Variants in DCUN1D2 observed in about 807,000 individuals in gnomAD.
DCUN1D2 encodes DCN1-like protein 2.
Under a neutral mutation model 30.9 loss-of-function variants are expected in DCUN1D2, and 29 were observed. The observed-to-expected ratio is 0.94, with a 90% confidence interval of 0.70 to 1.28. DCUN1D2 has a LOEUF of 1.28. DCUN1D2 is among the 50% of genes most tolerant of loss of function. DCUN1D2 has a pLI of 0.00. For missense variants in DCUN1D2, 325 were observed against 316.9 expected (o/e 1.03, Z -0.19); for synonymous variants, 121 against 115.3 (o/e 1.05, Z -0.32).
At chr13:113,466,826 T>TGA (rs1246633861) in intron 4 of DCUN1D2, among the ~76,000 whole-genome samples, 1 of 138,106 alleles carries the variant, frequency 7.2e-6, no homozygotes, top group African/African-American at 3.1e-5. Context: ...TTTTTTTTTT[T>TGA]GAGAGAGTCC....
At chr13:113,461,220 ATATT>A (rs2139676339) in intron 4 of DCUN1D2, 84 bp from the exon 5 acceptor site, 2 of 813,770 alleles carry the variant, frequency 2.5e-6, no homozygotes, top group Admixed American at 2.4e-5. Context: ...TAGCATGTCA[ATATT>A]TACTTAATAA....
intron 4 of DCUN1D2, among the ~76,000 whole-genome samples, chr13:113,463,743 C>G (rs1365181561): frequency 2.6e-5 from 4 of 151,930 alleles, no homozygotes; most frequent in East Asian, 1.9e-4. Flanking sequence ...CATAGACACA[C>G]ACAGATACCC....
chr13:113,490,796 C>T, upstream of DCUN1D2: 1 of 890,058 alleles, frequency 1.1e-6, no homozygotes, highest in African/African-American at 1.8e-5. This position sits in a 1 kb window ranked among gnomAD's most constrained non-coding sequence, Gnocchi z 5.2. Flanking sequence ...GCCGCGGGGA[C>T]TCCCACTCCC....
chr13:113,488,149 A>C lies in DCUN1D2; in HGVS notation c.3+2518T>G, dbSNP rs1343188556. ...ATCCAGGCCACTCAAAATGGCTTTG[A>C]ATCACTACTGTTAGCTAGAGTGGAC... On this transcript the variant is annotated intron_variant, in intron 1 of 6. Coordinates refer to ENST00000478244, the MANE Select transcript of DCUN1D2 (RefSeq NM_001014283.2). The surrounding 1 kb of genome is among the most constrained non-coding windows in gnomAD (Gnocchi z 4.3). 6.6e-6 allele frequency among the ~76,000 whole-genome samples: 1 copy of C among 152,222 alleles called. No homozygotes were observed. The highest frequency in any genetic ancestry group is 1.5e-5 in the Non-Finnish European group (1 of 68,030).
chr13:113,489,141 G>A, intron 1 of DCUN1D2: 1 of 985,376 alleles, frequency 1.0e-6, no homozygotes, highest in Non-Finnish European at 1.2e-6. Flanking sequence ...TAAGTTTATG[G>A]ATCACTTTCA....
intron 4 of DCUN1D2, among the ~76,000 whole-genome samples, chr13:113,471,610 T>C (rs1198606376): frequency 2.0e-5 from 3 of 152,208 alleles, no homozygotes; most frequent in Non-Finnish European, 4.4e-5. Context: ...GTAAAATTAC[T>C]GGGCTTCAAA....
At chr13:113,477,695 T>C (rs2139723483) in intron 3 of DCUN1D2, among the ~76,000 whole-genome samples, 1 of 151,954 alleles carries the variant, frequency 6.6e-6, no homozygotes, top group East Asian at 1.9e-4. Flanking sequence ...TTCTTAGTTT[T>C]CTATGAGTTT....
chr13:113,463,817 A>AAC (rs1221065376), intron 4 of DCUN1D2, among the ~76,000 whole-genome samples: 1 of 152,038 alleles, frequency 6.6e-6, no homozygotes, highest in South Asian at 2.1e-4. Flanking sequence ...AACAGACACA[A>AAC]ACACACACAC....
chr13:113,465,580 G>A (rs2044387928), intron 4 of DCUN1D2, among the ~76,000 whole-genome samples: 1 of 151,100 alleles, frequency 6.6e-6, no homozygotes, highest in South Asian at 2.1e-4. Context: ...AGCACAGGTG[G>A]CCCTGTCCTT....
At chr13:113,484,920 A>T (rs941024234) in intron 1 of DCUN1D2, among the ~76,000 whole-genome samples, 2 of 152,070 alleles carry the variant, frequency 1.3e-5, no homozygotes, top group Non-Finnish European at 2.9e-5. Flanking sequence ...TCTACTAAAA[A>T]TACAAAAATT....
At chr13:113,465,851 G>T (rs2044393872) in intron 4 of DCUN1D2, among the ~76,000 whole-genome samples, 1 of 149,900 alleles carries the variant, frequency 6.7e-6, no homozygotes, top group Admixed American at 6.7e-5. Context: ...ATGTATGTAT[G>T]TGTGTGTATA....
intron 2 of DCUN1D2, among the ~76,000 whole-genome samples, chr13:113,482,419 T>C (rs2044726341): frequency 6.6e-6 from 1 of 152,206 alleles, no homozygotes; most frequent in Non-Finnish European, 1.5e-5. Context: ...ACTTACAAAA[T>C]TAGCTCAACA....
chr13:113,468,192 CAG>C (rs1440286391), intron 4 of DCUN1D2, among the ~76,000 whole-genome samples: 2 of 152,070 alleles, frequency 1.3e-5, no homozygotes, highest in East Asian at 3.8e-4. Context: ...TCTATGCACA[CAG>C]GGAATATTAT....
At position 113,456,388 on chromosome 13, in the gene DCUN1D2, G is replaced by C; in HGVS notation, c.*1641C>G. 2.5e-6 allele frequency: 1 copy of C among 398,860 alleles called. No individual in the cohort carries two copies. Among genetic ancestry groups the C allele is most frequent in the Non-Finnish European group, 4.4e-6 (1 of 226,230 alleles). 24.7% of individuals were successfully genotyped at this position (398,860 alleles called of 1,614,324 possible). A position where few individuals can be genotyped will look rare whatever the true frequency, so the allele number is the denominator to read the frequency against. ...GCAGCCTCCAAGCACACTAACCTCA[G>C]CCATCAGATGTTCCTGAAGCCCAGG... On this transcript the variant is annotated 3_prime_UTR_variant, in exon 7 of 7. Coordinates refer to ENST00000478244, the MANE Select transcript of DCUN1D2 (RefSeq NM_001014283.2).
chr13:113,470,274 G>C (rs1211978950), intron 4 of DCUN1D2, among the ~76,000 whole-genome samples: 1 of 152,178 alleles, frequency 6.6e-6, no homozygotes, highest in African/African-American at 2.4e-5. Flanking sequence ...ACTGCTAGGC[G>C]TGCAATAGGC....
At chr13:113,460,350 C>T (rs759654773) in intron 5 of DCUN1D2, among the ~76,000 whole-genome samples, 3 of 152,204 alleles carry the variant, frequency 2.0e-5, no homozygotes, top group East Asian at 3.9e-4. Flanking sequence ...GGTCCTGGCC[C>T]GGCCGTGGGT....
intron 1 of DCUN1D2, among the ~76,000 whole-genome samples, chr13:113,486,281 T>C (rs977427718): frequency 6.6e-6 from 1 of 152,054 alleles, no homozygotes; most frequent in Non-Finnish European, 1.5e-5. Flanking sequence ...TTCTCACTTG[T>C]AAGTGGGAGC....
chr13:113,469,261 G>A (rs996510593), intron 4 of DCUN1D2, among the ~76,000 whole-genome samples: 2 of 151,976 alleles, frequency 1.3e-5, no homozygotes, highest in Non-Finnish European at 2.9e-5. Flanking sequence ...ACATAAAAAT[G>A]AGCAACAGAA....
At chr13:113,469,659 G>A (rs1050760916) in intron 4 of DCUN1D2, among the ~76,000 whole-genome samples, 1 of 151,778 alleles carries the variant, frequency 6.6e-6, no homozygotes, top group Admixed American at 6.6e-5. Flanking sequence ...CCTGGGCAAC[G>A]GAGGGAGACC....
Sources: gnomAD v4.1 joint callset for allele counts (sites outside exome capture counted in the v4.1 genomes callset) on GRCh38, gnomAD v4.1.1 for gene constraint, Gnocchi (gnomAD v3.1) non-coding constraint, MANE v1.5 for transcripts, NCBI Gene and HGNC (gene_info 2026-07-23, HGNC 2026-07-21) for gene names.